MTRF1: variants seen among roughly 807,000 people sequenced by gnomAD.
MTRF1 encodes peptide chain release factor 1, mitochondrial.
MTRF1 carries 51 observed loss-of-function variants against 62.9 expected under a neutral mutation model. That is an observed-to-expected ratio of 0.81 (90% CI 0.65 to 1.02). The LOEUF (loss-of-function observed/expected upper bound fraction) is 1.02. Ranked by LOEUF, MTRF1 falls within the 50% of genes least tolerant of loss-of-function variation. MTRF1 has a pLI of 0.00. For synonymous variants in MTRF1, 158 were observed against 181.9 expected, an observed-to-expected ratio of 0.87 and a Z score of 1.06; for missense variants, 446 against 530.0, an observed-to-expected ratio of 0.84 and a Z score of 1.56.
At chr13:41,244,797 GACA>G (rs1054887347) in intron 5 of MTRF1, among the ~76,000 whole-genome samples, 1 of 152,138 alleles carries the variant, frequency 6.6e-6, no homozygotes, top group African/African-American at 2.4e-5. Context: ...GTGTTGAGAT[GACA>G]ACAACCCCAC....
At chr13:41,246,983 G>A (rs1011423308) in intron 5 of MTRF1, among the ~76,000 whole-genome samples, 1 of 152,086 alleles carries the variant, frequency 6.6e-6, no homozygotes, top group Non-Finnish European at 1.5e-5. Flanking sequence ...ATATAACTAG[G>A]GCTACAGCAC....
intron 9 of MTRF1, among the ~76,000 whole-genome samples, chr13:41,220,053 G>T (rs1309141155): frequency 2.0e-5 from 3 of 150,382 alleles, no homozygotes; most frequent in African/African-American, 7.3e-5. Context: ...ACTGCTGGGG[G>T]CGCGGTGGCT....
At chr13:41,299,141 C>T in the MTRF1 span, among the ~76,000 whole-genome samples, 4 of 147,636 alleles carry the variant, frequency 2.7e-5, no homozygotes, top group Admixed American at 6.8e-5. Flanking sequence ...TGTAGTGAGC[C>T]GAGATCATGC....
At chr13:41,279,321 T>A in the MTRF1 span, among the ~76,000 whole-genome samples, 1 of 152,232 alleles carries the variant, frequency 6.6e-6, no homozygotes, top group Non-Finnish European at 1.5e-5. Context: ...ACATTTACAA[T>A]GATTCTGTCT....
upstream of MTRF1, chr13:41,263,679 G>A: frequency 6.4e-6 from 1 of 156,682 alleles, no homozygotes. Context: ...GCCTAACAAT[G>A]GACTAAAATG....
At chr13:41,303,683 C>T in the MTRF1 span, among the ~76,000 whole-genome samples, 1 of 152,148 alleles carries the variant, frequency 6.6e-6, no homozygotes, top group Non-Finnish European at 1.5e-5. Flanking sequence ...TGCTGGGCTG[C>T]ATTCCCAGGA....
At chr13:41,227,791 T>C (rs1228846821) in intron 7 of MTRF1, among the ~76,000 whole-genome samples, 1 of 152,258 alleles carries the variant, frequency 6.6e-6, no homozygotes, top group Non-Finnish European at 1.5e-5. Flanking sequence ...GTTTTCTCCC[T>C]GTCTAAATAA....
At chr13:41,225,666 A>C (rs1300027230) in intron 8 of MTRF1, among the ~76,000 whole-genome samples, 1 of 151,978 alleles carries the variant, frequency 6.6e-6, no homozygotes, top group Non-Finnish European at 1.5e-5. Flanking sequence ...TAGCATAGCC[A>C]GGTGTAGTGG....
At position 41,254,558 on chromosome 13, in the gene MTRF1, C is replaced by A; in HGVS notation, c.478G>T (p.Asp160Tyr). Reference protein sequence around the residue: ...ELALEERQTIDQKINMLYNEL... With the variant: ...ELALEERQTIYQKINMLYNEL... ...TTGTACAACATGTTGATTTTTTGATCAATGGTTTGCCTTTCTTCCAGTGCA... is the reference window on the plus strand; with the variant it reads ...TTGTACAACATGTTGATTTTTTGATAAATGGTTTGCCTTTCTTCCAGTGCA... The change falls in exon 3 of 10, where the codon GAT (aspartate) becomes TAT (tyrosine). Residue 160 changes from aspartate (D) to tyrosine (Y), a missense_variant. Transcript: ENST00000379480. The A allele has an allele frequency of 6.2e-7, 1 of 1,613,494 alleles. No individual in the cohort carries two copies.
Position 41,260,811 on chromosome 13 carries a change from T to A in MTRF1, c.97A>T (p.Ile33Leu). The change falls in exon 2 of 10, where the codon ATA becomes TTA. Residue 33 changes from isoleucine (I) to leucine (L), a missense_variant. Coordinates refer to ENST00000379480, the MANE Select transcript of MTRF1 (RefSeq NM_004294.4). The stretch of plus-strand genomic sequence containing the variant: ...ACTTGCAGCCTTGTATCAAGATGTA[T>A]CTGTCTAAATTGATGAGAATGGAGC... ...IQLHSHQFRQ[I>L]HLDTRLQVFR... 6.2e-7 allele frequency: 1 copy of A among 1,614,152 alleles called. No homozygotes were observed. Among genetic ancestry groups the A allele is most frequent in the Non-Finnish European group, 8.5e-7 (1 of 1,179,994 alleles).
chr13:41,227,167 G>A (rs572088287), intron 7 of MTRF1, among the ~76,000 whole-genome samples: 6 of 152,018 alleles, frequency 3.9e-5, no homozygotes, highest in African/African-American at 1.4e-4. Context: ...TGTGCCTGTA[G>A]TCCCAGCTAC....
At chr13:41,295,420 C>T in the MTRF1 span, among the ~76,000 whole-genome samples, 1 of 152,046 alleles carries the variant, frequency 6.6e-6, no homozygotes, top group African/African-American at 2.4e-5. Context: ...CATCATAATC[C>T]TGGACAAACT....
At chr13:41,218,659 T>C (rs1366822999) in intron 9 of MTRF1, among the ~76,000 whole-genome samples, 1 of 152,234 alleles carries the variant, frequency 6.6e-6, no homozygotes, top group Non-Finnish European at 1.5e-5. Context: ...AATTTGTACA[T>C]TGCCATTTTA....
At chr13:41,239,562 TA>T (rs545171476) in intron 6 of MTRF1, among the ~76,000 whole-genome samples, 18 of 147,656 alleles carry the variant, frequency 1.2e-4, no homozygotes, top group South Asian at 2.1e-4. Context: ...TCTGTATGTT[TA>T]AAAAAAAAAG....
chr13:41,232,845 C>G (rs1294742728), intron 7 of MTRF1, among the ~76,000 whole-genome samples: 1 of 152,120 alleles, frequency 6.6e-6, no homozygotes, highest in African/African-American at 2.4e-5. Flanking sequence ...CTCCAGAGAG[C>G]ACTGGAGTGA....
chr13:41,241,558 C>T (rs1334628508), intron 5 of MTRF1, among the ~76,000 whole-genome samples: 2 of 152,154 alleles, frequency 1.3e-5, no homozygotes, highest in Non-Finnish European at 2.9e-5. Flanking sequence ...GACTTTTATT[C>T]CTTTCTTTAT....
intron 5 of MTRF1, among the ~76,000 whole-genome samples, chr13:41,244,799 C>A (rs1378168816): frequency 2.0e-5 from 3 of 152,156 alleles, no homozygotes; most frequent in African/African-American, 7.2e-5. Context: ...GTTGAGATGA[C>A]AACAACCCCA....
the MTRF1 span, among the ~76,000 whole-genome samples, chr13:41,278,623 T>C: frequency 3.3e-5 from 5 of 152,214 alleles, no homozygotes; most frequent in Admixed American, 1.3e-4. Flanking sequence ...CTTTTCCACC[T>C]TTGCAAGAGA....
At position 41,226,496 on chromosome 13, in the gene MTRF1, G is replaced by A. The variant is rs1322337149; in HGVS notation, c.1061C>T (p.Ala354Val). ...CTCAATAATCTGCTGGTAGAGTCTA[G>A]CTCTCAACACACGAAAGGCTATTTC... ...NKEIAFRVLR[A>V]RLYQQIIEKD... is the part of the protein sequence containing the mutation. Residue 354 changes from alanine to valine, a missense_variant, in exon 8 of 10, where the codon GCT becomes GTT. Physicochemically the swap from Ala to Val is moderately conservative, Grantham distance 64 (BLOSUM62 0). Transcript: ENST00000379480. 2.5e-6 allele frequency: 4 copies of A among 1,613,784 alleles called. No homozygotes were observed. The African/African-American group carries it at 5.3e-5, about 22-fold the overall frequency.
Sources: gnomAD v4.1 joint callset for allele counts (sites outside exome capture counted in the v4.1 genomes callset) on GRCh38, gnomAD v4.1.1 for gene constraint, MANE v1.5 for transcripts, NCBI Gene and HGNC (gene_info 2026-07-23, HGNC 2026-07-21) for gene names.